Variants in RCAN2 observed in about 807,000 individuals in gnomAD.
The protein encoded by RCAN2 is regulator of calcineurin 2.
RCAN2 carries 9 observed loss-of-function variants against 23.6 expected under a neutral mutation model. That is an observed-to-expected ratio of 0.38 (90% CI 0.23 to 0.67). RCAN2 has a LOEUF of 0.67. Among genes scored for constraint, RCAN2 ranks in the 30% least tolerant of loss-of-function variants. RCAN2 has a pLI of 0.51. For synonymous variants in RCAN2, 109 were observed against 115.7 expected (o/e 0.94, Z 0.37); for missense variants, 273 against 302.3 (o/e 0.90, Z 0.72).
intron 2 of RCAN2, among the ~76,000 whole-genome samples, chr6:46,452,129 T>G (rs1278538904): frequency 6.6e-6 from 1 of 152,164 alleles, no homozygotes; most frequent in African/African-American, 2.4e-5. Flanking sequence ...TCATACCAGC[T>G]TTCAATAAAT....
intron 2 of RCAN2, among the ~76,000 whole-genome samples, chr6:46,252,894 G>A (rs1035164967): frequency 9.9e-5 from 15 of 152,170 alleles, no homozygotes; most frequent in African/African-American, 3.4e-4. Flanking sequence ...ATAATTGTGA[G>A]TATTCTTCAT....
chr6:46,307,307 A>G (rs911463969), intron 2 of RCAN2, among the ~76,000 whole-genome samples: 1 of 152,126 alleles, frequency 6.6e-6, no homozygotes, highest in African/African-American at 2.4e-5. Context: ...CAAGACAAAC[A>G]CGTCATTAAG....
chr6:46,223,428 G>A (rs1217929472), intron 4 of RCAN2, 127 bp from the exon 5 acceptor site: 4 of 800,968 alleles, frequency 5.0e-6, no homozygotes, highest in Non-Finnish European at 8.0e-6. Flanking sequence ...TCTTATGCAG[G>A]GATGGCACAG....
At chr6:46,476,801 A>G (rs1442402605) in intron 1 of RCAN2, among the ~76,000 whole-genome samples, 1 of 152,166 alleles carries the variant, frequency 6.6e-6, no homozygotes, top group African/African-American at 2.4e-5. Flanking sequence ...TTTCAGTCAG[A>G]AGATTTTTGG....
intron 1 of RCAN2, among the ~76,000 whole-genome samples, chr6:46,490,666 C>A (rs1467247955): frequency 1.3e-5 from 2 of 152,184 alleles, no homozygotes; most frequent in African/African-American, 4.8e-5. Flanking sequence ...CCAAGCAGGA[C>A]AATTCTCAGC....
chr6:46,382,325 A>G (rs1392205461), intron 2 of RCAN2, among the ~76,000 whole-genome samples: 2 of 152,226 alleles, frequency 1.3e-5, no homozygotes, highest in South Asian at 2.1e-4. Context: ...GTACGTAATA[A>G]GAGCTCTCAA....
chr6:46,385,387 A>G (rs746595278), intron 2 of RCAN2, among the ~76,000 whole-genome samples: 1 of 152,222 alleles, frequency 6.6e-6, no homozygotes, highest in South Asian at 2.1e-4. Context: ...TTCAGGCTAG[A>G]AGGGGCAGAG....
chr6:46,436,483 G>C (rs898835005), intron 2 of RCAN2, among the ~76,000 whole-genome samples: 1 of 152,168 alleles, frequency 6.6e-6, no homozygotes, highest in Non-Finnish European at 1.5e-5. Context: ...CCAAACTGCT[G>C]GGATTATCGG....
At chr6:46,431,645 G>T (rs902527803) in intron 2 of RCAN2, among the ~76,000 whole-genome samples, 12 of 152,130 alleles carry the variant, frequency 7.9e-5, no homozygotes, top group African/African-American at 2.7e-4. Flanking sequence ...CACAGGAAGT[G>T]CACACATAAA....
chr6:46,319,265 C>T (rs1225605761), intron 2 of RCAN2, among the ~76,000 whole-genome samples: 1 of 152,132 alleles, frequency 6.6e-6, no homozygotes, highest in Non-Finnish European at 1.5e-5. Flanking sequence ...CAATTCTAAG[C>T]TTTATCAGAA....
intron 2 of RCAN2, among the ~76,000 whole-genome samples, chr6:46,407,726 T>C (rs773642531): frequency 7.9e-5 from 12 of 152,202 alleles, no homozygotes; most frequent in Non-Finnish European, 1.5e-4. Context: ...TCAGGAAATA[T>C]GTACTTAGGT....
chr6:46,286,694 C>A (rs1445728360), intron 2 of RCAN2, among the ~76,000 whole-genome samples: 1 of 152,092 alleles, frequency 6.6e-6, no homozygotes, highest in Non-Finnish European at 1.5e-5. Context: ...AACAGACATG[C>A]CCAGGCAGTT....
intron 4 of RCAN2, among the ~76,000 whole-genome samples, chr6:46,243,827 A>AAAC: frequency 6.6e-6 from 1 of 150,640 alleles, no homozygotes; most frequent in Admixed American, 6.6e-5. Flanking sequence ...AAAAAAAAAA[A>AAAC]AAAAACCAAG....
chr6:46,443,503 A>G (rs1191025426), intron 2 of RCAN2, among the ~76,000 whole-genome samples: 1 of 151,962 alleles, frequency 6.6e-6, no homozygotes, highest in Non-Finnish European at 1.5e-5. Context: ...TATTTTATTT[A>G]TTGCTTTTAT....
chr6:46,385,115 G>T (rs867657404), intron 2 of RCAN2, among the ~76,000 whole-genome samples: 4 of 152,136 alleles, frequency 2.6e-5, no homozygotes, highest in African/African-American at 9.7e-5. Context: ...ATCATAAAAG[G>T]AACCTTTAAG....
intron 1 of RCAN2, among the ~76,000 whole-genome samples, chr6:46,486,057 C>T (rs1395686595): frequency 6.6e-6 from 1 of 152,226 alleles, no homozygotes; most frequent in Non-Finnish European, 1.5e-5. Context: ...TTGTGACAAT[C>T]ATCCTCAACA....
intron 2 of RCAN2, among the ~76,000 whole-genome samples, chr6:46,319,807 T>C (rs1337005482): frequency 2.6e-5 from 4 of 152,242 alleles, no homozygotes; most frequent in Admixed American, 6.5e-5. Context: ...TTCTAGTCCA[T>C]GTTATTACCG....
intron 4 of RCAN2, among the ~76,000 whole-genome samples, chr6:46,242,534 C>G (rs1766343734): frequency 6.6e-6 from 1 of 152,218 alleles, no homozygotes. Flanking sequence ...CAATTAAACA[C>G]TGTTCATCAT....
chr6:46,296,332 T>G (rs1762729886), intron 2 of RCAN2, among the ~76,000 whole-genome samples: 1 of 152,056 alleles, frequency 6.6e-6, no homozygotes, highest in South Asian at 2.1e-4. Context: ...TATAAAGACT[T>G]CACCAATGCA....
Sources: gnomAD v4.1 joint callset for allele counts (sites outside exome capture counted in the v4.1 genomes callset) on GRCh38, gnomAD v4.1.1 for gene constraint, MANE v1.5 for transcripts, NCBI Gene and HGNC (gene_info 2026-07-23, HGNC 2026-07-21) for gene names.